The following SLC9A9 variants were observed in gnomAD, a reference collection of about 807,000 sequenced individuals.
SLC9A9 encodes solute carrier family 9 member A9, also known as sodium/hydrogen exchanger 9.
Under a neutral mutation model 77.8 loss-of-function variants are expected in SLC9A9, and 62 were observed. That is an observed-to-expected ratio of 0.80 (90% CI 0.65 to 0.98). SLC9A9 has a LOEUF of 0.98. Among genes scored for constraint, SLC9A9 ranks in the 50% least tolerant of loss-of-function variants. The probability of loss-of-function intolerance (pLI) is 0.00; values close to 1 mark genes in which losing one functional copy is unlikely to be tolerated. For synonymous variants in SLC9A9, 320 were observed against 283.5 expected, an observed-to-expected ratio of 1.13 and a Z score of -1.29; for missense variants, 775 against 774.9, an observed-to-expected ratio of 1.00 and a Z score of 0.00.
chr3:143,354,189 G>A (rs577235035), intron 14 of SLC9A9, among the ~76,000 whole-genome samples: 28 of 152,180 alleles, frequency 1.8e-4, no homozygotes, highest in Admixed American at 3.3e-4. Context: ...TTCTTGGAAA[G>A]CTCTTCCTCC....
chr3:143,578,889 A>G (rs1246528886), intron 6 of SLC9A9, among the ~76,000 whole-genome samples, 166 bp from the exon 7 acceptor site: 6 of 152,134 alleles, frequency 3.9e-5, no homozygotes, highest in East Asian at 1.9e-4. Context: ...GAATGCAGAA[A>G]TCTTTCTGCT....
intron 11 of SLC9A9, among the ~76,000 whole-genome samples, chr3:143,490,889 C>A (rs1205708118): frequency 6.6e-6 from 1 of 152,060 alleles, no homozygotes; most frequent in Non-Finnish European, 1.5e-5. Flanking sequence ...AGTGAAAAAT[C>A]CAATGTTCTT....
intron 12 of SLC9A9, among the ~76,000 whole-genome samples, chr3:143,454,400 C>G (rs1244267543): frequency 6.6e-6 from 1 of 152,030 alleles, no homozygotes; most frequent in Non-Finnish European, 1.5e-5. Context: ...GAATCCTTTG[C>G]CTAATTCAAA....
At chr3:143,721,013 A>G (rs576128037) in intron 4 of SLC9A9, among the ~76,000 whole-genome samples, 67 of 152,340 alleles carry the variant, frequency 4.4e-4, no homozygotes, top group African/African-American at 1.5e-3. Context: ...GTTCGAGACC[A>G]GCCTAGGCAA....
rs1181475935 is a variant in SLC9A9, at chr3:143,848,332, T to C, written c.-10A>G. ...TTGACTGTCTCTCCATTCCCCAGTC[T>C]TCTTGGGATTCCTTAGATAAAAACC... is the stretch of plus-strand genomic sequence containing the variant. On this transcript the variant is annotated 5_prime_UTR_variant, in exon 1 of 16. Coordinates refer to ENST00000316549, the MANE Select transcript of SLC9A9 (RefSeq NM_173653.4). The C allele has an allele frequency of 6.2e-7, 1 of 1,613,884 alleles. No homozygotes were observed. Among genetic ancestry groups the C allele is most frequent in the East Asian group, 2.2e-5 (1 of 44,882 alleles).
intron 12 of SLC9A9, among the ~76,000 whole-genome samples, chr3:143,398,334 A>C (rs1010221571): frequency 2.0e-5 from 3 of 152,188 alleles, no homozygotes; most frequent in Non-Finnish European, 2.9e-5. Flanking sequence ...CAAGTGAATC[A>C]GACTTATTCC....
At chr3:143,335,345 T>A (rs924487144) in intron 14 of SLC9A9, among the ~76,000 whole-genome samples, 2 of 152,182 alleles carry the variant, frequency 1.3e-5, no homozygotes, top group Non-Finnish European at 2.9e-5. Flanking sequence ...ATGTTTATAC[T>A]GCCCAAAATG....
rs139483437 is a variant in SLC9A9, at chr3:143,724,293, C to A, written c.534-30986G>T. On this transcript the variant is annotated intron_variant, in intron 4 of 15. Transcript: ENST00000316549. ...TCCCCTTCCACCATGTCAAGAAGTT[C>A]TCTGCTTCCCCTTTGCCTTCCACCA... Among the ~76,000 whole-genome samples the A allele has an allele frequency of 3.0e-4, 45 of 152,320 alleles. 1 individual carries two copies. In the East Asian group the frequency reaches 8.7e-3, roughly 29 times the overall value.
chr3:143,746,336 A>G (rs1317789637), intron 4 of SLC9A9, among the ~76,000 whole-genome samples: 1 of 152,180 alleles, frequency 6.6e-6, no homozygotes, highest in African/African-American at 2.4e-5. Context: ...TGAGTGTCAG[A>G]TACTTTCCTA....
chr3:143,699,169 A>T (rs921536786), intron 4 of SLC9A9, among the ~76,000 whole-genome samples: 3 of 152,228 alleles, frequency 2.0e-5, no homozygotes, highest in African/African-American at 7.2e-5. Context: ...TGTATTCATT[A>T]ATTTACACAT....
At chr3:143,408,117 A>T (rs2034019376) in intron 12 of SLC9A9, among the ~76,000 whole-genome samples, 9 of 152,166 alleles carry the variant, frequency 5.9e-5, no homozygotes, top group Admixed American at 5.9e-4. Context: ...ATTCTATCAG[A>T]TCGGGGCCCA....
chr3:143,599,833 T>G (rs2037814878), intron 6 of SLC9A9, among the ~76,000 whole-genome samples: 1 of 152,180 alleles, frequency 6.6e-6, no homozygotes, highest in South Asian at 2.1e-4. Context: ...TGTCTTATCA[T>G]CGAAGTAAGA....
At chr3:143,300,096 C>T (rs2030455350) in intron 14 of SLC9A9, among the ~76,000 whole-genome samples, 1 of 152,176 alleles carries the variant, frequency 6.6e-6, no homozygotes, top group Non-Finnish European at 1.5e-5. Context: ...GTTTGGCACA[C>T]AGGTTGAGAA....
intron 7 of SLC9A9, among the ~76,000 whole-genome samples, chr3:143,575,762 A>G (rs1321013102): frequency 6.6e-6 from 1 of 152,164 alleles, no homozygotes; most frequent in African/African-American, 2.4e-5. Flanking sequence ...TTTTCTTTCA[A>G]TCTCCTCCAG....
intron 14 of SLC9A9, among the ~76,000 whole-genome samples, chr3:143,286,424 G>A (rs1013039064): frequency 1.9e-4 from 29 of 152,142 alleles, no homozygotes; most frequent in African/African-American, 7.0e-4. Flanking sequence ...CCTTCTATTG[G>A]CTTTGCAGGG....
intron 4 of SLC9A9, among the ~76,000 whole-genome samples, chr3:143,724,291 T>TAC (rs1560049801): frequency 1.3e-5 from 2 of 152,202 alleles, no homozygotes; most frequent in African/African-American, 4.8e-5. Context: ...TGTCAAGAAG[T>TAC]TCTCTGCTTC....
chr3:143,724,542 C>T (rs959437606), intron 4 of SLC9A9, among the ~76,000 whole-genome samples: 33 of 152,224 alleles, frequency 2.2e-4, no homozygotes, highest in South Asian at 6.2e-4. Flanking sequence ...TAAAGGTGAC[C>T]GGCCAACATG....
intron 14 of SLC9A9, among the ~76,000 whole-genome samples, chr3:143,316,683 C>T (rs543587114): frequency 6.6e-6 from 1 of 152,268 alleles, no homozygotes; most frequent in East Asian, 1.9e-4. Flanking sequence ...CTCTGACCTT[C>T]TGACATGGTC....
At chr3:143,620,051 G>A (rs941401086) in intron 6 of SLC9A9, among the ~76,000 whole-genome samples, 4 of 152,314 alleles carry the variant, frequency 2.6e-5, no homozygotes, top group East Asian at 3.9e-4. Flanking sequence ...AGAGAAGTGA[G>A]AGGCTGAGAG....
Sources: allele counts gnomAD v4.1 joint callset (sites outside exome capture counted in the v4.1 genomes callset), GRCh38; gene constraint gnomAD v4.1.1; transcripts MANE v1.5; gene names NCBI Gene and HGNC (gene_info 2026-07-23, HGNC 2026-07-21).